The following URB1 variants were observed in gnomAD, a reference collection of about 807,000 sequenced individuals.
The protein encoded by URB1 is URB1 ribosome biogenesis factor.
URB1 carries 197 observed loss-of-function variants against 242.3 expected under a neutral mutation model. The ratio of observed to expected loss-of-function variants is 0.81; its 90% CI spans 0.72 to 0.91. The LOEUF is 0.91. URB1 is among the 40% of genes least tolerant of loss of function. The pLI is 0.00. For synonymous variants in URB1, 1,153 were observed against 1,201.8 expected (o/e 0.96, Z 0.84); for missense variants, 2,721 against 2,860.5 (o/e 0.95, Z 1.11).
intron 15 of URB1, 100 bp downstream of exon 15, chr21:32,357,433 ATTCC>A: frequency 8.2e-7 from 1 of 1,224,772 alleles, no homozygotes; most frequent in Non-Finnish European, 1.0e-6. Context: ...ACTAAAAACA[ATTCC>A]AATACCTCCT....
intron 8 of URB1, among the ~76,000 whole-genome samples, chr21:32,369,405 T>C (rs1185158593): frequency 6.6e-6 from 1 of 152,106 alleles, no homozygotes; most frequent in East Asian, 1.9e-4. Flanking sequence ...AGTGTGAGTG[T>C]AAAAAAATGC....
chr21:32,349,235 A>G, intron 21 of URB1, 69 bp downstream of exon 21: 1 of 1,436,952 alleles, frequency 7.0e-7, no homozygotes, highest in Non-Finnish European at 9.2e-7. Flanking sequence ...TTTGTTTTTA[A>G]TCAGAAGTGA....
intron 4 of URB1, among the ~76,000 whole-genome samples, chr21:32,378,743 G>A (rs1023469177): frequency 2.0e-5 from 3 of 152,056 alleles, no homozygotes; most frequent in South Asian, 2.1e-4. Context: ...CTCTTTCCCC[G>A]GTAATCTTCT....
In URB1 at chr21:32,384,440, C is replaced by T; in HGVS notation, c.307G>A (p.Glu103Lys). ...CTTGCTGTCCGCAATAATATGGCCT[C>T]GAAAACTTGAAATATTAACATCGTC... ...SETMLIFQVF[E>K]AILLRTASDL... Residue 103 changes from glutamate (E) to lysine (K), a missense_variant, in exon 3 of 39, where the codon GAG becomes AAG. Physicochemically the swap from Glu to Lys is moderately conservative, Grantham distance 56. Transcript: ENST00000382751. The T allele has an allele frequency of 1.9e-6, 3 of 1,551,376 alleles. No homozygotes were observed. Among genetic ancestry groups the T allele is most frequent in the East Asian group, 4.9e-5 (2 of 40,908 alleles).
intron 14 of URB1, among the ~76,000 whole-genome samples, chr21:32,359,010 A>C (rs1469616968): frequency 6.6e-6 from 1 of 152,202 alleles, no homozygotes; most frequent in Non-Finnish European, 1.5e-5. Context: ...GCTACGATGC[A>C]GGGAAGCCTC....
intron 19 of URB1, among the ~76,000 whole-genome samples, chr21:32,351,901 G>C (rs1327807268): frequency 6.6e-6 from 1 of 152,222 alleles, no homozygotes; most frequent in Non-Finnish European, 1.5e-5. Context: ...GACTGGTGTT[G>C]GAACCGCTCT....
At chr21:32,360,448 G>C (rs916046972) in intron 13 of URB1, among the ~76,000 whole-genome samples, 2 of 152,124 alleles carry the variant, frequency 1.3e-5, no homozygotes, top group Non-Finnish European at 2.9e-5. Context: ...TTTTGAAAAG[G>C]AGTATTTCAA....
chr21:32,337,938 T>C (rs150481893), intron 26 of URB1, among the ~76,000 whole-genome samples: 87 of 152,278 alleles, frequency 5.7e-4, no homozygotes, highest in African/African-American at 2.0e-3. Context: ...CAATACAGAT[T>C]TTCAATCCAG....
Position 32,347,185 on chromosome 21 carries a change from T to C in URB1, c.3639A>G (p.Ala1213=). The part of the protein sequence containing the change: ...TLQRDPVLAP[A]VGADLLDYCL... ...AGTAGTCAAGCAGATCAGCCCCGAC[T>C]GCGGGGGCCAGCACAGGGTCTCTCT... Residue 1213 remains alanine (A), a synonymous_variant, in exon 22 of 39, where the codon GCA becomes GCG. Transcript: ENST00000382751. 3 of 1,549,708 alleles carry C rather than the reference T, an allele frequency of 1.9e-6. No individual in the cohort carries two copies. Among genetic ancestry groups the C allele is most frequent in the Non-Finnish European group, 1.7e-6 (2 of 1,146,544 alleles).
intron 26 of URB1, 24 bp downstream of exon 26, chr21:32,338,683 G>A: frequency 1.3e-6 from 2 of 1,550,218 alleles, no homozygotes; most frequent in Non-Finnish European, 1.7e-6. Context: ...GATACGGAAT[G>A]GAAGGGCTGG....
rs1364162221 is a variant in URB1, at chr21:32,313,744, G to C, written c.*1174C>G. On this transcript the variant is annotated 3_prime_UTR_variant, in exon 39 of 39. Coordinates refer to ENST00000382751, the MANE Select transcript of URB1 (RefSeq NM_014825.3). The stretch of plus-strand genomic sequence containing the variant: ...CAGCCACATCCTAGGCCACAGAGCA[G>C]ATCCCAAGAGCCCCAGGCATGCAGG... 2 of 152,260 alleles carry C rather than the reference G, an allele frequency of 1.3e-5. No homozygotes were observed. Among genetic ancestry groups the C allele is most frequent in the Non-Finnish European group, 2.9e-5 (2 of 68,062 alleles). The allele number at this position is 152,260 out of a possible 1,614,324, so 9.4% of individuals were successfully genotyped here. A position where few individuals can be genotyped will look rare whatever the true frequency, so the allele number is the denominator to read the frequency against.
chr21:32,311,781 G>C lies in URB1; in HGVS notation c.*3137C>G. 1 of 1,614,068 alleles carries C rather than the reference G, an allele frequency of 6.2e-7. No homozygotes were observed. The highest frequency in any genetic ancestry group is 8.5e-7 in the Non-Finnish European group (1 of 1,180,026). Reference sequence around the variant, plus strand: ...CCTGCCGTGCCACAGGGAACCCCTGGCAACCTCACAGGCTCAGGCGAGCTC... The same window carrying C: ...CCTGCCGTGCCACAGGGAACCCCTGCCAACCTCACAGGCTCAGGCGAGCTC... On this transcript the variant is annotated 3_prime_UTR_variant, in exon 39 of 39. Transcript: ENST00000382751.
In URB1 at chr21:32,342,736, C is replaced by T. The variant is rs571240198; in HGVS notation, c.4258-1212G>A. On this transcript the variant is annotated intron_variant, in intron 24 of 38. Coordinates refer to ENST00000382751, the MANE Select transcript of URB1 (RefSeq NM_014825.3). The stretch of plus-strand genomic sequence containing the variant: ...TCCAGAGCAGCTGGAATTACAGGCG[C>T]GTGCCACCATGCCTGGCTCATCACA... 4.2e-5 allele frequency among the ~76,000 whole-genome samples: 4 copies of T among 95,300 alleles called. No individual in the cohort carries two copies. The East Asian group carries it at 9.2e-4, about 22-fold the overall frequency. The allele number at this position is 95,300 out of a possible 152,430, so 62.5% of individuals were successfully genotyped here.
At position 32,312,177 on chromosome 21, in the gene URB1, G is replaced by A. The variant is rs1601112595; in HGVS notation, c.*2741C>T. 9 of 1,509,380 alleles carry A rather than the reference G, an allele frequency of 6.0e-6. No individual in the cohort carries two copies. The Admixed American group carries it at 1.6e-4, about 27-fold the overall frequency. The allele number at this position is 1,509,380 out of a possible 1,614,324, so 93.5% of individuals were successfully genotyped here. On this transcript the variant is annotated 3_prime_UTR_variant, in exon 39 of 39. Transcript: ENST00000382751. Reference sequence around the variant, plus strand: ...AGATTGCAGTGGCCCCTCGAGTGCAGAGGTCATCCCAGGTGTTGCTGAGTT... The same window carrying A: ...AGATTGCAGTGGCCCCTCGAGTGCAAAGGTCATCCCAGGTGTTGCTGAGTT...
At chr21:32,376,242 T>C (rs1254301188) in intron 5 of URB1, among the ~76,000 whole-genome samples, 2 of 152,232 alleles carry the variant, frequency 1.3e-5, no homozygotes, top group African/African-American at 2.4e-5. Context: ...GTTTGTTTAC[T>C]TTTTGCTTTC....
At position 32,313,952 on chromosome 21, in the gene URB1, C is replaced by T. The variant is rs561647681; in HGVS notation, c.*966G>A. On this transcript the variant is annotated 3_prime_UTR_variant, in exon 39 of 39. Transcript: ENST00000382751. ...CAACAATGAAAGGAAAACACAAAAA[C>T]CTTACAAAAATAGACATTAACAAGC... The T allele has an allele frequency of 1.0e-4, 16 of 153,216 alleles. No individual in the cohort carries two copies. In the South Asian group the frequency reaches 1.6e-3, roughly 16 times the overall value. 9.5% of individuals were successfully genotyped at this position (153,216 alleles called of 1,614,324 possible).
Position 32,316,719 on chromosome 21 carries a change from G to A in URB1, c.6381C>T (p.Ser2127=). The A allele has an allele frequency of 1.9e-6, 3 of 1,551,324 alleles. No homozygotes were observed. Among genetic ancestry groups the A allele is most frequent in the Non-Finnish European group, 2.6e-6 (3 of 1,146,878 alleles). The change falls in exon 38 of 39, where the codon AGC becomes AGT. Residue 2127 remains serine, a synonymous_variant. Coordinates refer to ENST00000382751, the MANE Select transcript of URB1 (RefSeq NM_014825.3). Reference sequence around the variant, plus strand: ...CGACCACAGGGTGTGGCAAAATATGGCTCTTAAGCCAGCCAATGAGTCCTG... The same window carrying A: ...CGACCACAGGGTGTGGCAAAATATGACTCTTAAGCCAGCCAATGAGTCCTG... ...EAAGLIGWLK[S]HILPHPVVVA...
chr21:32,337,360 C>T (rs532036624), intron 27 of URB1, 44 bp downstream of exon 27: 3 of 1,517,894 alleles, frequency 2.0e-6, no homozygotes, highest in East Asian at 2.5e-5. Flanking sequence ...CCCCGGCCCT[C>T]ACTCCCTCCC....
At chr21:32,320,288 G>A (rs989909127) in intron 35 of URB1, among the ~76,000 whole-genome samples, 1 of 152,198 alleles carries the variant, frequency 6.6e-6, no homozygotes, top group Non-Finnish European at 1.5e-5. Flanking sequence ...AACAGCAGCT[G>A]GTGTCTGCTG....
Sources: gnomAD v4.1 joint callset for allele counts (sites outside exome capture counted in the v4.1 genomes callset) on GRCh38, gnomAD v4.1.1 for gene constraint, MANE v1.5 for transcripts, NCBI Gene and HGNC (gene_info 2026-07-23, HGNC 2026-07-21) for gene names.